KCNC1: variants seen among roughly 807,000 people sequenced by gnomAD.
KCNC1 encodes potassium voltage-gated channel subfamily C member 1.
A neutral mutation model predicts 43.4 loss-of-function variants in KCNC1; 8 were observed. The ratio of observed to expected loss-of-function variants is 0.18; its 90% CI spans 0.11 to 0.33. KCNC1 has a LOEUF of 0.33. Ranked by LOEUF, KCNC1 falls within the 10% of genes least tolerant of loss-of-function variation. The pLI is 1.00. For missense variants in KCNC1, 420 were observed against 836.0 expected (o/e 0.50, Z 6.14); for synonymous variants, 361 against 360.5 (o/e 1.00, Z -0.01).
rs1229926898 is a variant in KCNC1 at position 17,773,410 on chromosome 11, C to T, written c.1504+812C>T. On this transcript the variant is annotated intron_variant, in intron 2 of 3. Transcript: ENST00000265969. This position sits in a 1 kb window ranked among gnomAD's most constrained non-coding sequence, Gnocchi z 4.1. ...TGCCGAGCAAAAGACTAGAGGGGGC[C>T]ACCACCCTGGGCAGCTTAGATGAAA... 7 of 985,380 alleles carry T rather than the reference C, an allele frequency of 7.1e-6. No homozygotes were observed. The highest frequency in any genetic ancestry group is 8.4e-6 in the Non-Finnish European group (7 of 829,954). 61.0% of individuals were successfully genotyped at this position (985,380 alleles called of 1,614,324 possible). A position where few individuals can be genotyped will look rare whatever the true frequency, so the allele number is the denominator to read the frequency against.
chr11:17,762,887 C>G (rs1849094276), intron 1 of KCNC1, among the ~76,000 whole-genome samples: 2 of 152,198 alleles, frequency 1.3e-5, no homozygotes, highest in Admixed American at 1.3e-4. Context: ...GTGCTCTGGT[C>G]TTCTAATGAC....
chr11:17,772,969 G>A (rs1849248173), intron 2 of KCNC1: 1 of 1,125,164 alleles, frequency 8.9e-7, no homozygotes, highest in Non-Finnish European at 1.1e-6. Context: ...ACCCGGTGTT[G>A]GGACAGAGTG....
chr11:17,777,079 TC>T lies in KCNC1; in HGVS notation c.1505-2373del, dbSNP rs1849296129. The T allele has an allele frequency of 1.2e-5, 12 of 984,968 alleles. No homozygotes were observed. Among genetic ancestry groups the T allele is most frequent in the Non-Finnish European group, 1.4e-5 (12 of 829,836 alleles). The allele number at this position is 984,968 out of a possible 1,614,324, so 61.0% of individuals were successfully genotyped here. A position where few individuals can be genotyped will look rare whatever the true frequency, so the allele number is the denominator to read the frequency against. ...AGGGATCCCTGATGGATGTTCCTTG[TC>T]CCCTGCCCAAAACCATCCCGAACTT... On this transcript the variant is annotated intron_variant, in intron 2 of 3. Transcript: ENST00000265969. This position sits in a 1 kb window ranked among gnomAD's most constrained non-coding sequence, Gnocchi z 4.3.
chr11:17,762,619 C>T (rs1441274635), intron 1 of KCNC1, among the ~76,000 whole-genome samples: 1 of 152,208 alleles, frequency 6.6e-6, no homozygotes, highest in African/African-American at 2.4e-5. Context: ...GCTGCTTTGA[C>T]TGGATCTTGA....
intron 1 of KCNC1, among the ~76,000 whole-genome samples, chr11:17,743,576 A>G (rs1335107394): frequency 6.6e-6 from 1 of 152,218 alleles, no homozygotes; most frequent in African/African-American, 2.4e-5. Context: ...GGGACTCCAT[A>G]TGGCCTAAAG....
rs558956278 is a variant in KCNC1, at chr11:17,776,162, T to C, written c.1505-3294T>C. 88 of 985,396 alleles carry C rather than the reference T, an allele frequency of 8.9e-5. No homozygotes were observed. The African/African-American group carries it at 1.5e-3, about 17-fold the overall frequency. The allele number at this position is 985,396 out of a possible 1,614,324, so 61.0% of individuals were successfully genotyped here. On this transcript the variant is annotated intron_variant, in intron 2 of 3. Transcript: ENST00000265969. The surrounding 1 kb of genome is among the most constrained non-coding windows in gnomAD (Gnocchi z 4.4). ...TGACGCCAGGGGCCAGGCATGGGTGTTCTTTTCCGTGTTGTTCACATTTTC... is the reference window on the plus strand; with the variant it reads ...TGACGCCAGGGGCCAGGCATGGGTGCTCTTTTCCGTGTTGTTCACATTTTC...
rs1335122112 is a variant in KCNC1 at position 17,773,560 on chromosome 11, G to A, written c.1504+962G>A. ...CTTTCCCGTGAATTCACTGGGGGCCGGGAGGGGGGAGGGGGGCATGAAACA... is the reference window on the plus strand; with the variant it reads ...CTTTCCCGTGAATTCACTGGGGGCCAGGAGGGGGGAGGGGGGCATGAAACA... On this transcript the variant is annotated intron_variant, in intron 2 of 3. Coordinates refer to ENST00000265969, the MANE Select transcript of KCNC1 (RefSeq NM_001112741.2). This position sits in a 1 kb window ranked among gnomAD's most constrained non-coding sequence, Gnocchi z 4.1. 28 of 984,810 alleles carry A rather than the reference G, an allele frequency of 2.8e-5. No homozygotes were observed. The highest frequency in any genetic ancestry group is 1.2e-4 in the African/African-American group (7 of 57,074). 61.0% of individuals were successfully genotyped at this position (984,810 alleles called of 1,614,324 possible).
Position 17,734,902 on chromosome 11 carries a change from T to A in KCNC1, c.-1101T>A, listed in dbSNP as rs1198749228. 5 of 149,880 alleles carry A rather than the reference T, an allele frequency of 3.3e-5. No individual in the cohort carries two copies. Among genetic ancestry groups the A allele is most frequent in the Non-Finnish European group, 7.4e-5 (5 of 67,224 alleles). 9.3% of individuals were successfully genotyped at this position (149,880 alleles called of 1,614,324 possible). A position where few individuals can be genotyped will look rare whatever the true frequency, so the allele number is the denominator to read the frequency against. ...CCTCGCCTCACCGGCCTCGCTGGCC[T>A]CACCTCGCCGCGCCCGGACCCGCCA... On this transcript the variant is annotated 5_prime_UTR_variant, in exon 1 of 4. Coordinates refer to ENST00000265969, the MANE Select transcript of KCNC1 (RefSeq NM_001112741.2).
intron 1 of KCNC1, among the ~76,000 whole-genome samples, chr11:17,746,898 G>T (rs936158810): frequency 1.9e-4 from 29 of 152,136 alleles, no homozygotes; most frequent in African/African-American, 7.0e-4. Context: ...TCAAAAGAGG[G>T]GTATTGATAG....
rs567369643 is a variant in KCNC1 at position 17,765,304 on chromosome 11, C to A, written c.571-6361C>A. Among the ~76,000 whole-genome samples, 36 of 152,248 alleles carry A rather than the reference C, an allele frequency of 2.4e-4. No individual in the cohort carries two copies. The South Asian group carries it at 7.3e-3, about 31-fold the overall frequency. On this transcript the variant is annotated intron_variant, in intron 1 of 3. Coordinates refer to ENST00000265969, the MANE Select transcript of KCNC1 (RefSeq NM_001112741.2). ...GGCGAACCCCCGAACAGCTCCGATC[C>A]GAAAGGCAAGCACAATTTTCTAAAG...
chr11:17,736,602 G>C lies in KCNC1; in HGVS notation c.570+30G>C. On this transcript the variant is annotated intron_variant, in intron 1 of 3. Transcript: ENST00000265969. This position sits in a 1 kb window ranked among gnomAD's most constrained non-coding sequence, Gnocchi z 9.3. ...GTGACAATTTACCCATCAGAAGAGC[G>C]GGGCGGGAAGGCAGCGTCCTGTGCC... The C allele has an allele frequency of 1.4e-6, 2 of 1,464,338 alleles. No individual in the cohort carries two copies. The highest frequency in any genetic ancestry group is 4.9e-5 in the East Asian group (2 of 40,468). 90.7% of individuals were successfully genotyped at this position (1,464,338 alleles called of 1,614,324 possible). A position where few individuals can be genotyped will look rare whatever the true frequency, so the allele number is the denominator to read the frequency against.
chr11:17,754,353 A>G (rs191921017), intron 1 of KCNC1, among the ~76,000 whole-genome samples: 1 of 152,320 alleles, frequency 6.6e-6, no homozygotes, highest in African/African-American at 2.4e-5. Flanking sequence ...TTACCAGTGT[A>G]GCGCTTCCGT....
At chr11:17,763,071 G>A (rs1312331770) in intron 1 of KCNC1, among the ~76,000 whole-genome samples, 1 of 152,238 alleles carries the variant, frequency 6.6e-6, no homozygotes, top group Non-Finnish European at 1.5e-5. Flanking sequence ...CAGCCCAGCT[G>A]TTGTGGGGGC....
intron 1 of KCNC1, among the ~76,000 whole-genome samples, chr11:17,754,931 A>T (rs1849007449): frequency 6.6e-6 from 1 of 152,198 alleles, no homozygotes; most frequent in Non-Finnish European, 1.5e-5. Flanking sequence ...TTATTTTCTT[A>T]TAGGTAAATT....
chr11:17,757,865 A>G (rs545172491), intron 1 of KCNC1, among the ~76,000 whole-genome samples: 11 of 152,306 alleles, frequency 7.2e-5, no homozygotes, highest in African/African-American at 2.6e-4. Flanking sequence ...TTGCTGATAG[A>G]GGGTCTTGCC....
intron 1 of KCNC1, among the ~76,000 whole-genome samples, chr11:17,752,821 G>A (rs906034307): frequency 2.6e-5 from 4 of 152,210 alleles, no homozygotes; most frequent in Admixed American, 6.5e-5. Context: ...ATGTCAGAGC[G>A]CTTAGAATAG....
intron 1 of KCNC1, among the ~76,000 whole-genome samples, chr11:17,750,487 T>C (rs919464402): frequency 6.6e-6 from 1 of 152,146 alleles, no homozygotes; most frequent in African/African-American, 2.4e-5. Flanking sequence ...CAAGCAGATA[T>C]TTTTTCCTGT....
At chr11:17,757,357 G>A (rs753286133) in intron 1 of KCNC1, among the ~76,000 whole-genome samples, 1 of 152,186 alleles carries the variant, frequency 6.6e-6, no homozygotes, top group African/African-American at 2.4e-5. Context: ...TTATCTGCAG[G>A]TATAGGCAGG....
rs1416075663 is a variant in KCNC1, at chr11:17,782,754, T to A, written c.*1020T>A. ...GGTTTCTGTATAGTCTAAAGCAGATTTGTTTTCCTGAAGCAGTCGGAGGTT... is the reference window on the plus strand; with the variant it reads ...GGTTTCTGTATAGTCTAAAGCAGATATGTTTTCCTGAAGCAGTCGGAGGTT... On this transcript the variant is annotated 3_prime_UTR_variant, in exon 4 of 4. Coordinates refer to ENST00000265969, the MANE Select transcript of KCNC1 (RefSeq NM_001112741.2). 6.6e-6 allele frequency: 1 copy of A among 152,218 alleles called. No homozygotes were observed. The allele number at this position is 152,218 out of a possible 1,614,324, so 9.4% of individuals were successfully genotyped here.
Sources: allele counts gnomAD v4.1 joint callset (sites outside exome capture counted in the v4.1 genomes callset), GRCh38; gene constraint gnomAD v4.1.1; non-coding constraint Gnocchi (gnomAD v3.1); transcripts MANE v1.5; gene names NCBI Gene and HGNC (gene_info 2026-07-23, HGNC 2026-07-21).